The following NRCAM variants were observed in gnomAD, a reference collection of about 807,000 sequenced individuals.
The protein encoded by NRCAM is neuronal cell adhesion molecule.
NRCAM carries 83 observed loss-of-function variants against 156.5 expected under a neutral mutation model. That is an observed-to-expected ratio of 0.53 (90% CI 0.44 to 0.64). The LOEUF is 0.64. Among genes scored for constraint, NRCAM ranks in the 30% least tolerant of loss-of-function variants. NRCAM has a pLI of 0.00. For missense variants in NRCAM, 1,417 were observed against 1,597.3 expected, an observed-to-expected ratio of 0.89 and a Z score of 1.92; for synonymous variants, 538 against 563.9, an observed-to-expected ratio of 0.95 and a Z score of 0.65.
intron 2 of NRCAM, among the ~76,000 whole-genome samples, chr7:108,331,572 C>T (rs1351946902): frequency 1.3e-5 from 2 of 152,092 alleles, no homozygotes; most frequent in Admixed American, 1.3e-4. Flanking sequence ...CTTTGGAAGG[C>T]TATTATGAGG....
intron 2 of NRCAM, among the ~76,000 whole-genome samples, chr7:108,346,066 C>T (rs746326783): frequency 2.6e-5 from 4 of 152,130 alleles, no homozygotes; most frequent in South Asian, 4.1e-4. Flanking sequence ...GAAGTTGCTA[C>T]GGAGACTAGC....
rs188560280 is a variant in NRCAM, at chr7:108,361,618, T to C, written c.-174+37818A>G. Among the ~76,000 whole-genome samples, 74 of 152,222 alleles carry C rather than the reference T, an allele frequency of 4.9e-4. 3 individuals carry two copies. The East Asian group carries it at 0.011, about 22-fold the overall frequency. On this transcript the variant is annotated intron_variant, in intron 2 of 32. Coordinates refer to ENST00000379028, the MANE Select transcript of NRCAM (RefSeq NM_001037132.4). Reference sequence around the variant, plus strand: ...AGTTTGCCAGCCTTCAGACCAAAATTACACCATCAGCTCTCCTGGTTCCCA... The same window carrying C: ...AGTTTGCCAGCCTTCAGACCAAAATCACACCATCAGCTCTCCTGGTTCCCA...
At chr7:108,388,057 C>G (rs1008797021) in intron 2 of NRCAM, among the ~76,000 whole-genome samples, 6 of 152,252 alleles carry the variant, frequency 3.9e-5, no homozygotes, top group African/African-American at 1.4e-4. Flanking sequence ...GATTTATAAT[C>G]TTTTGGGTAT....
intron 2 of NRCAM, among the ~76,000 whole-genome samples, chr7:108,327,202 T>C (rs138853944): frequency 6.6e-6 from 1 of 152,296 alleles, no homozygotes; most frequent in Non-Finnish European, 1.5e-5. Flanking sequence ...GCTCTGCCTA[T>C]TCCTAGCTGG....
chr7:108,318,491 C>A (rs2098959024), intron 2 of NRCAM, among the ~76,000 whole-genome samples: 1 of 152,132 alleles, frequency 6.6e-6, no homozygotes, highest in African/African-American at 2.4e-5. Context: ...TGTTAGATTC[C>A]CTTTCTCAAA....
intron 3 of NRCAM, among the ~76,000 whole-genome samples, chr7:108,302,453 C>G (rs2098641690): frequency 6.6e-6 from 1 of 152,134 alleles, no homozygotes; most frequent in Non-Finnish European, 1.5e-5. Flanking sequence ...CTGGGATGAC[C>G]AGTTATCACT....
At chr7:108,179,050 T>C (rs1245113380) in intron 25 of NRCAM, among the ~76,000 whole-genome samples, 1 of 152,208 alleles carries the variant, frequency 6.6e-6, no homozygotes, top group East Asian at 1.9e-4. Context: ...GCCTGGCACA[T>C]AGTTCTAGGC....
At chr7:108,182,434 C>G (rs1247108510) in intron 23 of NRCAM, among the ~76,000 whole-genome samples, 1 of 152,166 alleles carries the variant, frequency 6.6e-6, no homozygotes, top group Non-Finnish European at 1.5e-5. Context: ...ATCTGTGGGA[C>G]TTGAGTATTT....
intron 2 of NRCAM, among the ~76,000 whole-genome samples, chr7:108,367,761 A>C (rs1454595429): frequency 6.6e-6 from 1 of 152,198 alleles, no homozygotes; most frequent in East Asian, 1.9e-4. Context: ...AGAAGTTAAG[A>C]AAAAGTGCTT....
intron 15 of NRCAM, among the ~76,000 whole-genome samples, chr7:108,195,080 C>A (rs371051342): frequency 1.1e-3 from 167 of 152,222 alleles, no homozygotes; most frequent in African/African-American, 3.9e-3. Context: ...TATAGAACCC[C>A]CCCACTATAC....
At chr7:108,409,048 C>T (rs1036135850) in intron 1 of NRCAM, among the ~76,000 whole-genome samples, 15 of 152,124 alleles carry the variant, frequency 9.9e-5, no homozygotes, top group African/African-American at 2.9e-4. Context: ...AGGCACAAAA[C>T]ACCTGCCTAG....
intron 1 of NRCAM, among the ~76,000 whole-genome samples, chr7:108,445,447 G>A (rs960590038): frequency 1.3e-5 from 2 of 152,164 alleles, no homozygotes; most frequent in Admixed American, 6.5e-5. Flanking sequence ...GTAGCCACAT[G>A]TATTGTTAAG....
chr7:108,218,525 G>A (rs1185695879), intron 11 of NRCAM, among the ~76,000 whole-genome samples: 2 of 152,026 alleles, frequency 1.3e-5, no homozygotes, highest in African/African-American at 4.8e-5. Context: ...AGACCACAGT[G>A]GAATAAAAGT....
intron 3 of NRCAM, among the ~76,000 whole-genome samples, chr7:108,301,065 T>C (rs920603159): frequency 6.6e-6 from 1 of 152,192 alleles, no homozygotes; most frequent in East Asian, 1.9e-4. Context: ...AAGACCATTA[T>C]GTAATACCAA....
At chr7:108,439,916 G>T (rs1245584596) in intron 1 of NRCAM, among the ~76,000 whole-genome samples, 1 of 151,572 alleles carries the variant, frequency 6.6e-6, no homozygotes, top group African/African-American at 2.4e-5. Flanking sequence ...GGCATTCCTG[G>T]TTGGGAAAGT....
intron 1 of NRCAM, among the ~76,000 whole-genome samples, chr7:108,451,695 A>C (rs1360650208): frequency 2.0e-5 from 3 of 152,374 alleles, no homozygotes; most frequent in African/African-American, 7.2e-5. Context: ...CCAGTTACAG[A>C]AAGACAAATA....
chr7:108,395,713 C>G (rs2099774872), intron 2 of NRCAM, among the ~76,000 whole-genome samples: 1 of 152,160 alleles, frequency 6.6e-6, no homozygotes, highest in Admixed American at 6.5e-5. Flanking sequence ...CTGAATACTT[C>G]TAAGTGGCAA....
At chr7:108,448,747 C>A (rs940013348) in intron 1 of NRCAM, among the ~76,000 whole-genome samples, 1 of 152,070 alleles carries the variant, frequency 6.6e-6, no homozygotes, top group Non-Finnish European at 1.5e-5. Context: ...TGAAAAACTT[C>A]GAGAGTAAAT....
intron 3 of NRCAM, among the ~76,000 whole-genome samples, chr7:108,296,331 C>A (rs2098453654): frequency 6.6e-6 from 1 of 152,146 alleles, no homozygotes; most frequent in African/African-American, 2.4e-5. Flanking sequence ...ATCCTAATAT[C>A]TTTGCCTAGA....
Sources: allele counts gnomAD v4.1 joint callset (sites outside exome capture counted in the v4.1 genomes callset), GRCh38; gene constraint gnomAD v4.1.1; transcripts MANE v1.5; gene names NCBI Gene and HGNC (gene_info 2026-07-23, HGNC 2026-07-21).